The following GAB2 variants were observed in gnomAD, a reference collection of about 807,000 sequenced individuals.
GAB2 encodes GRB2-associated-binding protein 2.
In GAB2, 26 loss-of-function variants were observed where a neutral mutation model predicts 65.5. The ratio of observed to expected loss-of-function variants is 0.40; its 90% CI spans 0.29 to 0.55. GAB2 has a LOEUF of 0.55. Ranked by LOEUF, GAB2 falls within the 20% of genes least tolerant of loss-of-function variation. The pLI is 0.53. For synonymous variants in GAB2, 321 were observed against 329.6 expected (o/e 0.97, Z 0.28); for missense variants, 884 against 875.8 (o/e 1.01, Z -0.12).
intron 1 of GAB2, among the ~76,000 whole-genome samples, chr11:78,396,221 CA>C (rs1161534102): frequency 6.6e-6 from 1 of 152,106 alleles, no homozygotes; most frequent in East Asian, 1.9e-4. Context: ...CACCGTAGTT[CA>C]AACAAAGAAA....
At chr11:78,401,505 C>CGTGTGT (rs34474918) in intron 1 of GAB2, among the ~76,000 whole-genome samples, 6,526 of 124,906 alleles carry the variant, frequency 0.052, 271 homozygotes, top group East Asian at 0.093. Flanking sequence ...GAACAGTATT[C>CGTGTGT]GTGTGTGTGT....
intron 1 of GAB2, among the ~76,000 whole-genome samples, chr11:78,410,578 C>T (rs1262031789): frequency 6.6e-6 from 1 of 152,092 alleles, no homozygotes; most frequent in African/African-American, 2.4e-5. Context: ...AAGCAGTGGA[C>T]CCACTACAGA....
At chr11:78,377,628 T>C (rs1037068317) in intron 1 of GAB2, among the ~76,000 whole-genome samples, 2 of 152,204 alleles carry the variant, frequency 1.3e-5, no homozygotes, top group Non-Finnish European at 2.9e-5. Flanking sequence ...TGGAGACAAG[T>C]GGACTCAGCT....
chr11:78,416,903 G>A (rs781470521), intron 1 of GAB2, among the ~76,000 whole-genome samples: 1 of 152,036 alleles, frequency 6.6e-6, no homozygotes, highest in Non-Finnish European at 1.5e-5. Context: ...AAACACTGTC[G>A]GTTGGCAACA....
At chr11:78,247,994 C>G (rs982465984) in intron 3 of GAB2, among the ~76,000 whole-genome samples, 1 of 152,196 alleles carries the variant, frequency 6.6e-6, no homozygotes, top group South Asian at 2.1e-4. Flanking sequence ...TCCTCAGCTG[C>G]GTAAAGTTCT....
chr11:78,362,490 T>TA lies in GAB2; in HGVS notation c.75+55155dup, dbSNP rs930314260. 1.2e-3 allele frequency among the ~76,000 whole-genome samples: 178 copies of TA among 151,620 alleles called. 1 individual carries two copies. Among genetic ancestry groups the TA allele is most frequent in the African/African-American group, 4.0e-3 (167 of 41,358 alleles). The stretch of plus-strand genomic sequence containing the variant: ...AAATGTTCAATCCAAAAGGTAAGAT[T>TA]AAAAAAAACAACAGAAAATTTCAGT... On this transcript the variant is annotated intron_variant, in intron 1 of 9. Transcript: ENST00000361507.
intron 3 of GAB2, among the ~76,000 whole-genome samples, chr11:78,234,599 CTA>C (rs899861331): frequency 1.2e-3 from 179 of 147,900 alleles, no homozygotes; most frequent in African/African-American, 4.0e-3. Flanking sequence ...TATATTTAAA[CTA>C]TTTTTATTTA....
chr11:78,240,127 G>A (rs953576146), intron 3 of GAB2, among the ~76,000 whole-genome samples: 3 of 152,108 alleles, frequency 2.0e-5, no homozygotes, highest in East Asian at 1.9e-4. Flanking sequence ...TGGCTGCTCA[G>A]AACAGTCATG....
chr11:78,375,379 C>T (rs958301661), intron 1 of GAB2, among the ~76,000 whole-genome samples: 1 of 151,940 alleles, frequency 6.6e-6, no homozygotes, highest in Non-Finnish European at 1.5e-5. Flanking sequence ...ACTTTTTGAT[C>T]CATACACAGT....
At chr11:78,239,922 C>T (rs1248150683) in intron 3 of GAB2, among the ~76,000 whole-genome samples, 1 of 152,054 alleles carries the variant, frequency 6.6e-6, no homozygotes, top group African/African-American at 2.4e-5. Flanking sequence ...CCATGGCTCC[C>T]TTTCATTCCT....
chr11:78,357,610 G>T (rs1230053905), intron 1 of GAB2, among the ~76,000 whole-genome samples: 2 of 152,162 alleles, frequency 1.3e-5, no homozygotes, highest in African/African-American at 2.4e-5. Flanking sequence ...CGAAGGATAT[G>T]AACAGACACT....
In GAB2 at chr11:78,285,703, T is replaced by A. The variant is rs183462157; in HGVS notation, c.76-4802A>T. On this transcript the variant is annotated intron_variant, in intron 1 of 9. Coordinates refer to ENST00000361507, the MANE Select transcript of GAB2 (RefSeq NM_080491.3). Reference sequence around the variant, plus strand: ...GCTGGTATTGAACTCCTAACCTTAATTGATCCACCCACCTCAGCCTCCCAA... The same window carrying A: ...GCTGGTATTGAACTCCTAACCTTAAATGATCCACCCACCTCAGCCTCCCAA... 3.3e-5 allele frequency among the ~76,000 whole-genome samples: 5 copies of A among 152,220 alleles called. No individual in the cohort carries two copies. The South Asian group carries it at 8.3e-4, about 25-fold the overall frequency.
chr11:78,322,610 T>TA (rs1272867162), intron 1 of GAB2, among the ~76,000 whole-genome samples: 1 of 151,532 alleles, frequency 6.6e-6, no homozygotes, highest in Non-Finnish European at 1.5e-5. Context: ...AATAATTCAA[T>TA]AAAAAACACA....
Position 78,259,161 on chromosome 11 carries a change from A to T in GAB2, c.377-8761T>A, listed in dbSNP as rs183452087. ...ACTATCTTATTACAGGGCCTTGAGC[A>T]AAACTTTTAATATCTTTATCCCTCA... On this transcript the variant is annotated intron_variant, in intron 2 of 9. Coordinates refer to ENST00000361507, the MANE Select transcript of GAB2 (RefSeq NM_080491.3). Among the ~76,000 whole-genome samples, 7 of 152,328 alleles carry T rather than the reference A, an allele frequency of 4.6e-5. No individual in the cohort carries two copies. In the East Asian group the frequency reaches 1.2e-3, roughly 25 times the overall value.
chr11:78,375,357 CTTAA>C (rs1484160671), intron 1 of GAB2, among the ~76,000 whole-genome samples: 4 of 152,054 alleles, frequency 2.6e-5, no homozygotes, highest in Non-Finnish European at 5.9e-5. Context: ...CTGGGCACAG[CTTAA>C]TTAAAGTACT....
intron 1 of GAB2, among the ~76,000 whole-genome samples, chr11:78,366,468 C>T (rs1438631485): frequency 6.6e-6 from 1 of 151,374 alleles, no homozygotes; most frequent in Non-Finnish European, 1.5e-5. Context: ...TGTCTGTAGT[C>T]CCAGCTACTT....
chr11:78,219,209 A>AGG lies in GAB2; in HGVS notation c.*61_*62dup. ...TGGGAGGAAGAACGGGAGAGGGGAG[A>AGG]GGGGAGATGGGAAGGGCCAGCTCTG... On this transcript the variant is annotated 3_prime_UTR_variant, in exon 10 of 10. Coordinates refer to ENST00000361507, the MANE Select transcript of GAB2 (RefSeq NM_080491.3). 1 of 1,487,710 alleles carries AGG rather than the reference A, an allele frequency of 6.7e-7. No individual in the cohort carries two copies. Among genetic ancestry groups the AGG allele is most frequent in the Admixed American group, 1.7e-5 (1 of 58,350 alleles). The allele number at this position is 1,487,710 out of a possible 1,614,324, so 92.2% of individuals were successfully genotyped here.
intron 1 of GAB2, among the ~76,000 whole-genome samples, chr11:78,290,001 T>G (rs192730649): frequency 2.6e-5 from 4 of 151,994 alleles, no homozygotes. Context: ...AGAAGTTTCA[T>G]CTTTCCTTTA....
chr11:78,227,108 C>T (rs1442559651), intron 3 of GAB2, 57 bp from the exon 4 acceptor site: 5 of 1,183,256 alleles, frequency 4.2e-6, no homozygotes, highest in Non-Finnish European at 6.2e-6. Context: ...GCTGTGTGAC[C>T]TTGAGGCAAA....
Sources: gnomAD v4.1 joint callset for allele counts (sites outside exome capture counted in the v4.1 genomes callset) on GRCh38, gnomAD v4.1.1 for gene constraint, MANE v1.5 for transcripts, NCBI Gene and HGNC (gene_info 2026-07-23, HGNC 2026-07-21) for gene names.